Variants in ADAM7 observed in about 807,000 individuals in gnomAD.
The protein encoded by ADAM7 is disintegrin and metalloproteinase domain-containing protein 7.
Under a neutral mutation model 102.9 loss-of-function variants are expected in ADAM7, and 97 were observed. The observed-to-expected ratio is 0.94, with a 90% CI of 0.80 to 1.12. ADAM7 has a LOEUF of 1.12. Among genes scored for constraint, ADAM7 ranks in the 50% most tolerant of loss-of-function variants. The pLI is 0.00. For synonymous variants in ADAM7, 334 were observed against 304.4 expected (o/e 1.10, Z -1.01); for missense variants, 991 against 908.7 (o/e 1.09, Z -1.16).
At position 24,441,085 on chromosome 8, in the gene ADAM7, T is replaced by G. The variant is rs759094306; in HGVS notation, c.-24T>G. 12 of 1,609,504 alleles carry G rather than the reference T, an allele frequency of 7.5e-6. No homozygotes were observed. In the South Asian group the frequency reaches 1.2e-4, roughly 16 times the overall value. Reference sequence around the variant, plus strand: ...AACTCCTTTTCTCAAGCACTTCTGCTCTCCTCTACCAGAATCACTCAGAAT... The same window carrying G: ...AACTCCTTTTCTCAAGCACTTCTGCGCTCCTCTACCAGAATCACTCAGAAT... On this transcript the variant is annotated 5_prime_UTR_variant, in exon 1 of 22. Coordinates refer to ENST00000175238, the MANE Select transcript of ADAM7 (RefSeq NM_003817.4).
rs758043289 is a variant in ADAM7, at chr8:24,508,741, A to C, written c.*195A>C. ...TTTACCGGTAGAATTCACACCCTCTATCATAAACATATGCTGCAGAAAAAA... is the reference window on the plus strand; with the variant it reads ...TTTACCGGTAGAATTCACACCCTCTCTCATAAACATATGCTGCAGAAAAAA... On this transcript the variant is annotated 3_prime_UTR_variant, in exon 22 of 22. Coordinates refer to ENST00000175238, the MANE Select transcript of ADAM7 (RefSeq NM_003817.4). 1 of 1,388,950 alleles carries C rather than the reference A, an allele frequency of 7.2e-7. No homozygotes were observed. The highest frequency in any genetic ancestry group is 9.4e-7 in the Non-Finnish European group (1 of 1,069,124). The allele number at this position is 1,388,950 out of a possible 1,614,324, so 86.0% of individuals were successfully genotyped here. A position where few individuals can be genotyped will look rare whatever the true frequency, so the allele number is the denominator to read the frequency against.
At chr8:24,468,302 A>C (rs899442274) in intron 6 of ADAM7, among the ~76,000 whole-genome samples, 7 of 151,502 alleles carry the variant, frequency 4.6e-5, no homozygotes, top group Non-Finnish European at 7.4e-5. Flanking sequence ...AAAAAAAAAA[A>C]CCTGAATGTT....
At chr8:24,502,845 A>AG (rs1481966976) in intron 20 of ADAM7, among the ~76,000 whole-genome samples, 9 of 152,140 alleles carry the variant, frequency 5.9e-5, no homozygotes, top group African/African-American at 1.7e-4. Flanking sequence ...AATTGGAAAG[A>AG]GGGGGAAAAT....
intron 21 of ADAM7, 54 bp downstream of exon 21, chr8:24,507,589 T>C (rs1820996481): frequency 7.0e-7 from 1 of 1,425,332 alleles, no homozygotes; most frequent in East Asian, 2.3e-5. Context: ...AATGCTGGCA[T>C]AGTTTTGTGT....
intron 7 of ADAM7, among the ~76,000 whole-genome samples, chr8:24,470,100 C>A (rs1190032427): frequency 6.6e-6 from 1 of 151,874 alleles, no homozygotes; most frequent in Non-Finnish European, 1.5e-5. Context: ...TTCTGAATAT[C>A]AAAGACAAAG....
chr8:24,452,025 C>T (rs1157777522), intron 3 of ADAM7, among the ~76,000 whole-genome samples: 1 of 151,964 alleles, frequency 6.6e-6, no homozygotes, highest in African/African-American at 2.4e-5. Context: ...CAGTTTGTTG[C>T]AATTTCTGTT....
At chr8:24,481,392 G>C (rs1450041192) in intron 8 of ADAM7, among the ~76,000 whole-genome samples, 2 of 152,116 alleles carry the variant, frequency 1.3e-5, no homozygotes, top group South Asian at 4.1e-4. Context: ...TTCCATTTCT[G>C]TTCATTCAGT....
chr8:24,461,778 T>C (rs1239687754), intron 3 of ADAM7, among the ~76,000 whole-genome samples: 1 of 8,592 alleles, frequency 1.2e-4, no homozygotes, highest in Non-Finnish European at 2.6e-4. Flanking sequence ...TTTAAGGATA[T>C]CAAGTAAAAC....
chr8:24,454,628 C>G (rs1173444551), intron 3 of ADAM7, among the ~76,000 whole-genome samples: 2 of 152,192 alleles, frequency 1.3e-5, no homozygotes, highest in African/African-American at 2.4e-5. Flanking sequence ...ATGCCTCGCC[C>G]TGCTTCTGCT....
chr8:24,477,758 G>T (rs1364689155), intron 8 of ADAM7, among the ~76,000 whole-genome samples: 1 of 151,358 alleles, frequency 6.6e-6, no homozygotes, highest in Non-Finnish European at 1.5e-5. Context: ...ATGCATATTA[G>T]ATCCTGTGAT....
intron 2 of ADAM7, among the ~76,000 whole-genome samples, chr8:24,443,082 A>G (rs1415082035): frequency 1.3e-5 from 2 of 152,214 alleles, no homozygotes; most frequent in Non-Finnish European, 2.9e-5. Context: ...GAAAATAGAT[A>G]ATATATGTAA....
intron 2 of ADAM7, among the ~76,000 whole-genome samples, chr8:24,446,488 A>AT (rs900313360): frequency 2.0e-5 from 3 of 151,846 alleles, no homozygotes; most frequent in African/African-American, 4.8e-5. Flanking sequence ...AAAGCTTTAC[A>AT]TTTTTTTTCA....
intron 3 of ADAM7, among the ~76,000 whole-genome samples, chr8:24,457,863 A>AGTGTGTGAGTGT (rs1554538193): frequency 7.4e-5 from 11 of 147,872 alleles, no homozygotes; most frequent in African/African-American, 2.2e-4. Flanking sequence ...TATGTGTGTG[A>AGTGTGTGAGTGT]GTGTGTGTGT....
chr8:24,476,094 T>A, intron 7 of ADAM7: 1 of 390,964 alleles, frequency 2.6e-6, no homozygotes, highest in South Asian at 2.0e-5. Flanking sequence ...AATAGGTTTG[T>A]TTCATCAATG....
chr8:24,495,785 A>C (rs933721680), intron 16 of ADAM7, among the ~76,000 whole-genome samples: 3 of 152,198 alleles, frequency 2.0e-5, no homozygotes, highest in African/African-American at 7.2e-5. Flanking sequence ...TCAATAGGTG[A>C]CTTGGGTGCT....
chr8:24,494,137 A>G (rs1215933313), intron 16 of ADAM7, among the ~76,000 whole-genome samples: 1 of 152,188 alleles, frequency 6.6e-6, no homozygotes, highest in Non-Finnish European at 1.5e-5. Context: ...CACCAAAAAT[A>G]TTACAGTGAC....
intron 18 of ADAM7, 34 bp from the exon 19 acceptor site, chr8:24,500,756 C>G: frequency 6.5e-7 from 1 of 1,544,360 alleles, no homozygotes; most frequent in Non-Finnish European, 8.9e-7. Flanking sequence ...ACAACTGATA[C>G]CCTCGATGAA....
intron 21 of ADAM7, 86 bp from the exon 22 acceptor site, chr8:24,508,460 T>A: frequency 1.5e-6 from 2 of 1,343,790 alleles, no homozygotes; most frequent in Non-Finnish European, 2.1e-6. Context: ...GTTATTCTAA[T>A]TAGTAGATAT....
chr8:24,490,998 C>T lies in ADAM7; in HGVS notation c.1356+110C>T, dbSNP rs987524873. 3.7e-6 allele frequency: 4 copies of T among 1,080,734 alleles called. No homozygotes were observed. The African/African-American group carries it at 6.3e-5, about 17-fold the overall frequency. 66.9% of individuals were successfully genotyped at this position (1,080,734 alleles called of 1,614,324 possible). Reference sequence around the variant, plus strand: ...CTGCACCACTGACTCCAAAATGAAGCTAGGCTTGCAAGTACCCAACAGAGA... The same window carrying T: ...CTGCACCACTGACTCCAAAATGAAGTTAGGCTTGCAAGTACCCAACAGAGA... On this transcript the variant is annotated intron_variant, in intron 13 of 21. Coordinates refer to ENST00000175238, the MANE Select transcript of ADAM7 (RefSeq NM_003817.4).
Sources: allele counts gnomAD v4.1 joint callset (sites outside exome capture counted in the v4.1 genomes callset), GRCh38; gene constraint gnomAD v4.1.1; transcripts MANE v1.5; gene names NCBI Gene and HGNC (gene_info 2026-07-23, HGNC 2026-07-21).